TMEM182: variants seen among roughly 807,000 people sequenced by gnomAD.
TMEM182 encodes the protein transmembrane protein 182.
Under a neutral mutation model 26.8 loss-of-function variants are expected in TMEM182, and 20 were observed. The observed-to-expected ratio is 0.75, with a 90% confidence interval of 0.53 to 1.09. The LOEUF (loss-of-function observed/expected upper bound fraction) is 1.09. Among genes scored for constraint, TMEM182 ranks in the 50% least tolerant of loss-of-function variants. The pLI, the probability that TMEM182 is intolerant of heterozygous loss-of-function variation, is 0.00. For missense variants in TMEM182, 277 were observed against 275.5 expected, an observed-to-expected ratio of 1.01 and a Z score of -0.04; for synonymous variants, 109 against 102.2, an observed-to-expected ratio of 1.07 and a Z score of -0.40.
downstream of TMEM182, among the ~76,000 whole-genome samples, chr2:102,820,660 C>T (rs577236824): frequency 1.5e-4 from 23 of 152,194 alleles, no homozygotes; most frequent in South Asian, 2.5e-3. Flanking sequence ...TGGAAGAAAA[C>T]GCCTGAAAAT....
chr2:102,809,923 A>G (rs538790902), intron 4 of TMEM182, among the ~76,000 whole-genome samples: 5 of 152,300 alleles, frequency 3.3e-5, no homozygotes, highest in African/African-American at 1.2e-4. Flanking sequence ...ATGCCCATGG[A>G]AAACTGAAAT....
At chr2:102,774,259 T>C (rs1680811940) in intron 3 of TMEM182, among the ~76,000 whole-genome samples, 1 of 142,902 alleles carries the variant, frequency 7.0e-6, no homozygotes, top group Non-Finnish European at 1.5e-5. Flanking sequence ...TCTTTTTTTT[T>C]TTTTTTTTTT....
At chr2:102,783,014 A>G (rs968586157) in intron 3 of TMEM182, among the ~76,000 whole-genome samples, 29 of 152,194 alleles carry the variant, frequency 1.9e-4, no homozygotes, top group African/African-American at 6.5e-4. Flanking sequence ...CATAGATTTA[A>G]TATTGTTAAG....
In TMEM182 at chr2:102,815,428, A is replaced by G; in HGVS notation, c.*460A>G. 1.0e-6 allele frequency: 1 copy of G among 990,874 alleles called. No individual in the cohort carries two copies. 61.4% of individuals were successfully genotyped at this position (990,874 alleles called of 1,614,324 possible). A position where few individuals can be genotyped will look rare whatever the true frequency, so the allele number is the denominator to read the frequency against. On this transcript the variant is annotated 3_prime_UTR_variant, in exon 5 of 5. Transcript: ENST00000412401. ...TTGCCCACACAGATAATATCCACATACACATTCACTGGCTCTTGTGAGCAA... is the reference window on the plus strand; with the variant it reads ...TTGCCCACACAGATAATATCCACATGCACATTCACTGGCTCTTGTGAGCAA...
In TMEM182 at chr2:102,817,299, T is replaced by G; in HGVS notation, c.*2331T>G. On this transcript the variant is annotated 3_prime_UTR_variant, in exon 5 of 5. Coordinates refer to ENST00000412401, the MANE Select transcript of TMEM182 (RefSeq NM_144632.5). ...GCCTTTAAACTGTGTTAGAATCTTT[T>G]TGAAAAATGTTGATTTTGCATCATA... 1 of 985,424 alleles carries G rather than the reference T, an allele frequency of 1.0e-6. No individual in the cohort carries two copies. Among genetic ancestry groups the G allele is most frequent in the Non-Finnish European group, 1.2e-6 (1 of 829,894 alleles). The allele number at this position is 985,424 out of a possible 1,614,324, so 61.0% of individuals were successfully genotyped here.
chr2:102,793,212 G>T (rs1410748377), intron 3 of TMEM182, among the ~76,000 whole-genome samples: 1 of 152,170 alleles, frequency 6.6e-6, no homozygotes, highest in Non-Finnish European at 1.5e-5. Flanking sequence ...CAGAAGGCAT[G>T]GGTCAGAGGT....
intron 3 of TMEM182, among the ~76,000 whole-genome samples, chr2:102,832,469 A>C (rs570538196): frequency 9.1e-4 from 138 of 152,350 alleles, no homozygotes; most frequent in Admixed American, 1.9e-3. Flanking sequence ...TTAAAGAACG[A>C]AGATACTGGG....
intron 3 of TMEM182, among the ~76,000 whole-genome samples, chr2:102,769,912 A>G (rs931552200): frequency 2.0e-5 from 3 of 152,226 alleles, no homozygotes; most frequent in Admixed American, 6.5e-5. Flanking sequence ...GTTTGGACGT[A>G]TTAAACTTGA....
intron 2 of TMEM182, 75 bp downstream of exon 2, chr2:102,762,761 A>G (rs1467936326): frequency 1.6e-6 from 2 of 1,232,436 alleles, no homozygotes; most frequent in Admixed American, 2.0e-5. Flanking sequence ...AGTATATGTC[A>G]CTTCTAGCGG....
intron 3 of TMEM182, among the ~76,000 whole-genome samples, chr2:102,769,310 A>G (rs575847666): frequency 7.4e-4 from 112 of 152,330 alleles, no homozygotes; most frequent in African/African-American, 2.5e-3. Flanking sequence ...AATAAAGAAT[A>G]TAATTGATAT....
intron 2 of TMEM182, 30 bp from the exon 3 acceptor site, chr2:102,764,299 C>T (rs1242965897): frequency 6.2e-7 from 1 of 1,603,848 alleles, no homozygotes. Context: ...TTTTCAATAA[C>T]AAGTGCCATT....
intron 1 of TMEM182, among the ~76,000 whole-genome samples, chr2:102,740,473 A>C (rs2104625679): frequency 6.6e-6 from 1 of 152,234 alleles, no homozygotes; most frequent in African/African-American, 2.4e-5. Context: ...CATGATTGTA[A>C]GTTTCCTGAG....
intron 3 of TMEM182, among the ~76,000 whole-genome samples, chr2:102,837,841 C>T (rs1683274853): frequency 6.6e-6 from 1 of 152,112 alleles, no homozygotes; most frequent in Admixed American, 6.5e-5. Context: ...AGGGAAGTTA[C>T]CTGTTTAAGG....
At chr2:102,759,555 C>A (rs184225359), upstream of TMEM182, among the ~76,000 whole-genome samples, 903 of 152,288 alleles carry the variant, frequency 5.9e-3, 4 homozygotes, top group South Asian at 9.1e-3. Context: ...GTATTCCCCT[C>A]CCCTGCAGAA....
At chr2:102,834,547 G>A (rs937944005) in intron 3 of TMEM182, 7 of 517,686 alleles carry the variant, frequency 1.4e-5, no homozygotes, top group South Asian at 8.3e-5. Context: ...GCATATCCAT[G>A]AGAGTGTTAT....
At chr2:102,842,617 G>A (rs559377145) in intron 3 of TMEM182, among the ~76,000 whole-genome samples, 2 of 152,302 alleles carry the variant, frequency 1.3e-5, no homozygotes, top group Non-Finnish European at 2.9e-5. Flanking sequence ...CTGACCTCAA[G>A]TTAGATTGAC....
intron 4 of TMEM182, among the ~76,000 whole-genome samples, chr2:102,801,940 C>T (rs1008733088): frequency 6.6e-6 from 1 of 152,088 alleles, no homozygotes; most frequent in Admixed American, 6.5e-5. Flanking sequence ...TTGTGTATGA[C>T]CATTTGTTTA....
upstream of TMEM182, among the ~76,000 whole-genome samples, chr2:102,759,262 C>T (rs1453024479): frequency 6.6e-6 from 1 of 152,060 alleles, no homozygotes; most frequent in Admixed American, 6.6e-5. Flanking sequence ...CAACAGATTG[C>T]TCCTTCTTTC....
chr2:102,840,407 T>A (rs1457679212), intron 3 of TMEM182, among the ~76,000 whole-genome samples: 1 of 152,202 alleles, frequency 6.6e-6, no homozygotes, highest in East Asian at 1.9e-4. Context: ...TCTTCGCATA[T>A]AACTCTTCTA....
Sources: gnomAD v4.1 joint callset for allele counts (sites outside exome capture counted in the v4.1 genomes callset) on GRCh38, gnomAD v4.1.1 for gene constraint, MANE v1.5 for transcripts, NCBI Gene and HGNC (gene_info 2026-07-23, HGNC 2026-07-21) for gene names.